MGST3: variants seen among roughly 807,000 people sequenced by gnomAD.
The protein encoded by MGST3 is microsomal glutathione S-transferase 3, also known as glutathione S-transferase 3, mitochondrial.
In MGST3, 13 loss-of-function variants were observed where a neutral mutation model predicts 15.8. That is an observed-to-expected ratio of 0.82 (90% CI 0.54 to 1.31). The LOEUF (loss-of-function observed/expected upper bound fraction) is 1.31, where lower values mean the gene tolerates loss of function less well. Ranked by LOEUF, MGST3 falls within the 50% of genes most tolerant of loss-of-function variation. The pLI is 0.00. For synonymous variants in MGST3, 49 were observed against 68.1 expected (o/e 0.72, Z 1.38); for missense variants, 155 against 192.4 (o/e 0.81, Z 1.15).
At position 165,649,955 on chromosome 1, in the gene MGST3, C is replaced by T. The variant is rs772687997; in HGVS notation, c.108C>T (p.Tyr36=). Residue 36 remains tyrosine, a synonymous_variant, in exon 2 of 6, where the codon TAC becomes TAT. Transcript: ENST00000367889. ...ATGTTTCCAAGGCCCGCAAGAAGTACAAAGTGGAGGTAAGTGGGAACACAA... is the reference window on the plus strand; with the variant it reads ...ATGTTTCCAAGGCCCGCAAGAAGTATAAAGTGGAGGTAAGTGGGAACACAA... ...AINVSKARKK[Y]KVEYPIMYST... is the part of the protein sequence containing the mutation. 1 of 1,614,088 alleles carries T rather than the reference C, an allele frequency of 6.2e-7. No homozygotes were observed. The highest frequency in any genetic ancestry group is 1.1e-5 in the South Asian group (1 of 91,082).
At chr1:165,649,533 C>T (rs1648498063) in intron 1 of MGST3, 1 of 303,084 alleles carries the variant, frequency 3.3e-6, no homozygotes, top group Non-Finnish European at 6.3e-6. Flanking sequence ...TATTATTCTA[C>T]AGCAACGACT....
chr1:165,638,793 T>TCAAAAAAAAAAAA (rs144430330), intron 1 of MGST3, among the ~76,000 whole-genome samples: 1 of 144,450 alleles, frequency 6.9e-6, no homozygotes, highest in African/African-American at 2.6e-5. Flanking sequence ...AGACTCCGTC[T>TCAAAAAAAAAAAA]TAAAAAAAAA....
intron 1 of MGST3, among the ~76,000 whole-genome samples, chr1:165,634,778 C>CCTCCCTCCCTCCCTCT (rs1648060592): frequency 8.0e-6 from 1 of 124,642 alleles, no homozygotes; most frequent in African/African-American, 3.1e-5. Context: ...TCTCTCCCTC[C>CCTCCCTCCCTCCCTCT]CTCTCCCTCC....
chr1:165,632,641 C>G (rs1431728769), intron 1 of MGST3, among the ~76,000 whole-genome samples: 2 of 151,802 alleles, frequency 1.3e-5, no homozygotes, highest in Non-Finnish European at 2.9e-5. Flanking sequence ...ACCAATGTTA[C>G]TATATATAAA....
intron 2 of MGST3, 31 bp from the exon 3 acceptor site, chr1:165,650,983 C>T (rs767278666): frequency 6.3e-7 from 1 of 1,599,596 alleles, no homozygotes; most frequent in South Asian, 1.1e-5. Context: ...TCCTCTTGAC[C>T]ATCTGATCAG....
intron 1 of MGST3, among the ~76,000 whole-genome samples, chr1:165,644,357 A>G (rs73028722): frequency 1.2e-3 from 190 of 152,366 alleles, no homozygotes; most frequent in African/African-American, 4.1e-3. Context: ...ACCATAGGCA[A>G]TTGTAACATA....
At chr1:165,640,571 A>T (rs1306309717) in intron 1 of MGST3, among the ~76,000 whole-genome samples, 1 of 152,116 alleles carries the variant, frequency 6.6e-6, no homozygotes, top group Admixed American at 6.6e-5. Context: ...ATATGATAAT[A>T]CTCAGGCCCC....
At chr1:165,654,054 A>G in intron 4 of MGST3, 1 of 536,530 alleles carries the variant, frequency 1.9e-6, no homozygotes, top group Non-Finnish European at 3.4e-6. Flanking sequence ...GAGAAGGCCA[A>G]TACTCATCTC....
chr1:165,655,470 G>T lies in MGST3; in HGVS notation c.425G>T (p.Ser142Ile), dbSNP rs1485136826. 1 of 1,614,014 alleles carries T rather than the reference G, an allele frequency of 6.2e-7. No homozygotes were observed. Among genetic ancestry groups the T allele is most frequent in the Non-Finnish European group, 8.5e-7 (1 of 1,180,032 alleles). ...TTCCAGCATCTTGGTTGGGTTAAAA[G>T]TGGCTTGGGCAGTGGACCCAAATGC... ...SAFQHLGWVK[S>I]GLGSGPKCCH The change falls in exon 6 of 6, where the codon AGT becomes ATT. Residue 142 changes from serine to isoleucine, a missense_variant. Ser to Ile is a moderately radical substitution (Grantham distance 142). Transcript: ENST00000367889.
chr1:165,632,472 G>C (rs959206597), intron 1 of MGST3, among the ~76,000 whole-genome samples: 4 of 152,212 alleles, frequency 2.6e-5, no homozygotes, highest in African/African-American at 9.6e-5. Context: ...CATTGAGTCA[G>C]ATCAAGAATG....
intron 1 of MGST3, among the ~76,000 whole-genome samples, chr1:165,639,173 T>G (rs1427740526): frequency 6.6e-6 from 1 of 152,206 alleles, no homozygotes; most frequent in African/African-American, 2.4e-5. Context: ...AAGCCTGTGG[T>G]GCAGCAGGAT....
intron 4 of MGST3, chr1:165,654,017 G>A: frequency 2.2e-6 from 1 of 461,624 alleles, no homozygotes; most frequent in East Asian, 4.4e-5. Flanking sequence ...GGCAAGTGGG[G>A]GGATTCCTTC....
intron 1 of MGST3, among the ~76,000 whole-genome samples, chr1:165,633,250 C>T (rs6692264): frequency 0.85 from 129,907 of 152,230 alleles, 55,550 homozygotes; most frequent in East Asian, 0.99. Flanking sequence ...TGCCTACCTG[C>T]CTCTGAGGAG....
chr1:165,655,670 T>A lies in MGST3; in HGVS notation c.*166T>A. 2.5e-6 allele frequency: 2 copies of A among 804,030 alleles called. No homozygotes were observed. The highest frequency in any genetic ancestry group is 2.7e-5 in the East Asian group (1 of 37,024). 49.8% of individuals were successfully genotyped at this position (804,030 alleles called of 1,614,324 possible). The stretch of plus-strand genomic sequence containing the variant: ...CGTTTGAGTCTGTATCTGAAATCAG[T>A]AGCCTAGTCCTACTAGATGAGAAAG... On this transcript the variant is annotated 3_prime_UTR_variant, in exon 6 of 6. Coordinates refer to ENST00000367889, the MANE Select transcript of MGST3 (RefSeq NM_004528.4).
intron 1 of MGST3, among the ~76,000 whole-genome samples, chr1:165,640,328 A>G (rs138342043): frequency 3.8e-4 from 58 of 152,228 alleles, no homozygotes; most frequent in Admixed American, 1.2e-3. Context: ...CTTGCTCTTC[A>G]CAACAGTCTC....
chr1:165,632,906 G>A (rs1392203162), intron 1 of MGST3, among the ~76,000 whole-genome samples: 1 of 152,046 alleles, frequency 6.6e-6, no homozygotes, highest in Non-Finnish European at 1.5e-5. Context: ...TCTGGAATGA[G>A]GTGGATGTCA....
chr1:165,649,034 G>A (rs568469737), intron 1 of MGST3: 11 of 152,430 alleles, frequency 7.2e-5, no homozygotes, highest in African/African-American at 2.2e-4. Context: ...TAAAGCTGAC[G>A]GCAGAACACA....
intron 2 of MGST3, chr1:165,650,477 GT>G (rs757947314): frequency 1.0e-5 from 2 of 190,540 alleles, no homozygotes; most frequent in Non-Finnish European, 2.2e-5. Flanking sequence ...CTGGTGAGTG[GT>G]TTTAAATGTC....
intron 5 of MGST3, 82 bp from the exon 6 acceptor site, chr1:165,655,286 G>C: frequency 6.4e-7 from 1 of 1,567,034 alleles, no homozygotes; most frequent in Non-Finnish European, 8.7e-7. Context: ...CCTCAGATGC[G>C]ATGATAGAAT....
Sources: gnomAD v4.1 joint callset for allele counts (sites outside exome capture counted in the v4.1 genomes callset) on GRCh38, gnomAD v4.1.1 for gene constraint, MANE v1.5 for transcripts, NCBI Gene and HGNC (gene_info 2026-07-23, HGNC 2026-07-21) for gene names.